CUBN: variants seen among roughly 807,000 people sequenced by gnomAD.
The protein encoded by CUBN is cubilin, also known as 460 kDa receptor.
Under a neutral mutation model 405.3 loss-of-function variants are expected in CUBN, and 282 were observed. That is an observed-to-expected ratio of 0.70 (90% CI 0.63 to 0.77). The LOEUF (loss-of-function observed/expected upper bound fraction) is 0.77, where lower values mean the gene tolerates loss of function less well. CUBN is among the 30% of genes least tolerant of loss of function. The pLI, the probability that CUBN is intolerant of heterozygous loss-of-function variation, is 0.00. For synonymous variants in CUBN, 1,684 were observed against 1,617.0 expected, an observed-to-expected ratio of 1.04 and a Z score of -0.99; for missense variants, 4,514 against 4,475.2, an observed-to-expected ratio of 1.01 and a Z score of -0.25.
At chr10:16,884,547 A>G in intron 56 of CUBN, among the ~76,000 whole-genome samples, 1 of 152,216 alleles carries the variant, frequency 6.6e-6, no homozygotes. Context: ...TCTGTAGTTC[A>G]TGGAATGTCT....
At chr10:17,050,464 G>T (rs1187012462) in intron 22 of CUBN, among the ~76,000 whole-genome samples, 1 of 152,178 alleles carries the variant, frequency 6.6e-6, no homozygotes, top group Non-Finnish European at 1.5e-5. Flanking sequence ...AAAGCAGCTG[G>T]AACTATATGG....
chr10:16,851,423 C>T lies in CUBN; in HGVS notation c.9475G>A (p.Gly3159Ser), dbSNP rs1441951105. 1.2e-6 allele frequency: 2 copies of T among 1,614,008 alleles called. No homozygotes were observed. The highest frequency in any genetic ancestry group is 1.3e-5 in the African/African-American group (1 of 74,894). Residue 3159 changes from glycine (G) to serine (S), a missense_variant, in exon 60 of 67, where the codon GGT becomes AGT. By Grantham distance (56) the Gly-to-Ser change is moderately conservative. Transcript: ENST00000377833. ...QTLGPQQGCGGYLTGSNNTFA... is the reference protein window; with the variant it reads ...QTLGPQQGCGSYLTGSNNTFA... Reference sequence around the variant, plus strand: ...GTATTATTCGAGCCTGTCAGATAACCACCACATCCTTGCTGAGGCCCTGCA... The same window carrying T: ...GTATTATTCGAGCCTGTCAGATAACTACCACATCCTTGCTGAGGCCCTGCA...
chr10:17,122,773 C>CAAAAAAAA, intron 6 of CUBN, 22 bp downstream of exon 6: 1 of 1,273,698 alleles, frequency 7.9e-7, no homozygotes, highest in Non-Finnish European at 1.1e-6. Flanking sequence ...TGATATTTAC[C>CAAAAAAAA]AAAAAAAAAA....
intron 17 of CUBN, among the ~76,000 whole-genome samples, chr10:17,073,254 T>C (rs1005899868): frequency 3.3e-5 from 5 of 152,086 alleles, no homozygotes; most frequent in Admixed American, 2.6e-4. Context: ...AGATCAAATA[T>C]GGGAATAATA....
intron 48 of CUBN, among the ~76,000 whole-genome samples, chr10:16,910,621 T>A (rs920184006): frequency 6.6e-6 from 1 of 151,876 alleles, no homozygotes; most frequent in African/African-American, 2.4e-5. Flanking sequence ...TAAATACGAA[T>A]GAATAGCCAA....
intron 19 of CUBN, 100 bp downstream of exon 19, chr10:17,071,325 TA>T: frequency 7.9e-7 from 1 of 1,268,942 alleles, no homozygotes; most frequent in Non-Finnish European, 1.1e-6. Flanking sequence ...TTGGTCTACA[TA>T]AACTACTTTC....
At chr10:17,129,428 C>T (rs1388368332) in intron 1 of CUBN, among the ~76,000 whole-genome samples, 178 bp from the exon 2 acceptor site, 1 of 152,234 alleles carries the variant, frequency 6.6e-6, no homozygotes, top group Non-Finnish European at 1.5e-5. Flanking sequence ...TCAGAGATAC[C>T]TCCTGGCAAT....
chr10:17,056,005 T>G (rs1835386962), intron 22 of CUBN, among the ~76,000 whole-genome samples: 1 of 152,130 alleles, frequency 6.6e-6, no homozygotes, highest in African/African-American at 2.4e-5. Flanking sequence ...ACTTCCAGAT[T>G]TTAATATACA....
chr10:16,973,651 C>A (rs1346481246), intron 31 of CUBN, among the ~76,000 whole-genome samples: 1 of 152,168 alleles, frequency 6.6e-6, no homozygotes, highest in African/African-American at 2.4e-5. Flanking sequence ...CAGCTTCCAA[C>A]CTCAAGTAGG....
chr10:17,110,867 T>A, intron 9 of CUBN, 52 bp downstream of exon 9: 4 of 1,613,248 alleles, frequency 2.5e-6, no homozygotes, highest in Non-Finnish European at 2.5e-6. Flanking sequence ...TATTCCTATG[T>A]CTGTGTTCCC....
intron 36 of CUBN, among the ~76,000 whole-genome samples, chr10:16,945,598 T>C (rs538619686): frequency 1.3e-5 from 2 of 151,810 alleles, no homozygotes; most frequent in South Asian, 4.2e-4. Flanking sequence ...TGAAACTCCA[T>C]CACTACTAAA....
chr10:16,967,014 G>C (rs749592920), intron 31 of CUBN, among the ~76,000 whole-genome samples: 1 of 152,180 alleles, frequency 6.6e-6, no homozygotes, highest in Non-Finnish European at 1.5e-5. Flanking sequence ...AAGTGATAGG[G>C]AGGGAAATCC....
At chr10:16,977,254 C>T (rs986168550) in intron 31 of CUBN, among the ~76,000 whole-genome samples, 3 of 152,174 alleles carry the variant, frequency 2.0e-5, no homozygotes, top group Admixed American at 6.5e-5. Context: ...ACAGGCATTC[C>T]TGTTTCCACA....
In CUBN at chr10:16,837,675, T is replaced by C. The variant is rs547915139; in HGVS notation, c.10033-1293A>G. On this transcript the variant is annotated intron_variant, in intron 62 of 66. Coordinates refer to ENST00000377833, the MANE Select transcript of CUBN (RefSeq NM_001081.4). ...ACATCCTCCGTAACCACCCTACACATCATTCCTTCATGATCTGCCAATTAG... is the reference window on the plus strand; with the variant it reads ...ACATCCTCCGTAACCACCCTACACACCATTCCTTCATGATCTGCCAATTAG... Among the ~76,000 whole-genome samples, 8 of 152,206 alleles carry C rather than the reference T, an allele frequency of 5.3e-5. No homozygotes were observed. In the East Asian group the frequency reaches 1.4e-3, roughly 26 times the overall value.
chr10:16,965,842 G>C, intron 31 of CUBN: 1 of 373,112 alleles, frequency 2.7e-6, no homozygotes, highest in Non-Finnish European at 5.4e-6. Context: ...GTTTACATTT[G>C]ATTCTTACAG....
intron 31 of CUBN, among the ~76,000 whole-genome samples, chr10:16,976,146 CT>C (rs1833086147): frequency 6.6e-6 from 1 of 151,448 alleles, no homozygotes; most frequent in Non-Finnish European, 1.5e-5. Context: ...AATTTTTTAA[CT>C]GTTTTGTAGA....
At chr10:17,128,566 C>T (rs535783512) in intron 2 of CUBN, among the ~76,000 whole-genome samples, 93 of 152,298 alleles carry the variant, frequency 6.1e-4, no homozygotes, top group African/African-American at 2.0e-3. Flanking sequence ...CCTCGCATCC[C>T]CTGTGGAGGA....
At chr10:17,106,453 A>G (rs559587557) in intron 10 of CUBN, among the ~76,000 whole-genome samples, 33 of 150,798 alleles carry the variant, frequency 2.2e-4, no homozygotes, top group Non-Finnish European at 4.9e-4. Flanking sequence ...AATACAAAAC[A>G]ATTAGCGGGG....
intron 59 of CUBN, among the ~76,000 whole-genome samples, chr10:16,852,124 C>T (rs111218019): frequency 7.9e-6 from 1 of 127,294 alleles, no homozygotes. Context: ...TCCATCTTTC[C>T]CTCCCTCCAT....
Sources: gnomAD v4.1 joint callset for allele counts (sites outside exome capture counted in the v4.1 genomes callset) on GRCh38, gnomAD v4.1.1 for gene constraint, MANE v1.5 for transcripts, NCBI Gene and HGNC (gene_info 2026-07-23, HGNC 2026-07-21) for gene names.